Variants in APOB observed in about 807,000 individuals in gnomAD.
APOB encodes the protein apolipoprotein B-100.
Under a neutral mutation model 314.1 loss-of-function variants are expected in APOB, and 153 were observed. That is an observed-to-expected ratio of 0.49 (90% confidence interval 0.43 to 0.56). The LOEUF (loss-of-function observed/expected upper bound fraction) is 0.56, where lower values mean the gene tolerates loss of function less well. Ranked by LOEUF, APOB falls within the 20% of genes least tolerant of loss-of-function variation. APOB has a pLI of 0.00. For missense variants in APOB, 5,430 were observed against 5,350.7 expected, an observed-to-expected ratio of 1.01 and a Z score of -0.46; for synonymous variants, 2,087 against 2,036.4, an observed-to-expected ratio of 1.02 and a Z score of -0.67.
Position 21,008,878 on chromosome 2 carries a change from C to G in APOB, c.7990G>C (p.Asp2664His), listed in dbSNP as rs1426754564. ...NTFHIPSFTI[D>H]FVEMKVKIIR... ...ATCTTTACTTTCATTTCTACAAAGT[C>G]AATTGTAAAGGAAGGAATGTGGAAG... Residue 2664 changes from aspartate (D) to histidine (H), a missense_variant, in exon 26 of 29, where the codon GAC becomes CAC. Asp to His is a moderately conservative substitution (Grantham distance 81, BLOSUM62 -1). This residue lies in a region of APOB where 3,281 missense variants were observed against 3,171.0 expected (regional missense o/e 1.03). Transcript: ENST00000233242. 1.2e-6 allele frequency: 2 copies of G among 1,613,952 alleles called. No individual in the cohort carries two copies. Among genetic ancestry groups the G allele is most frequent in the Admixed American group, 3.3e-5 (2 of 60,000 alleles).
Position 21,002,846 on chromosome 2 carries a change from T to A in APOB, c.12576A>T (p.Ser4192=), listed in dbSNP as rs1422564507. The change falls in exon 29 of 29, where the codon TCA becomes TCT. Residue 4192 remains serine, a synonymous_variant. Transcript: ENST00000233242. Reference sequence around the variant, plus strand: ...TGGGGAAGTTCAGAAAATCAATGAGTGAGTCAATCAGATGCTTGACTTTCA... The same window carrying A: ...TGGGGAAGTTCAGAAAATCAATGAGAGAGTCAATCAGATGCTTGACTTTCA... The part of the protein sequence containing the change: ...FHMKVKHLID[S]LIDFLNFPRF... 1 of 1,613,098 alleles carries A rather than the reference T, an allele frequency of 6.2e-7. No individual in the cohort carries two copies. Among genetic ancestry groups the A allele is most frequent in the Admixed American group, 1.7e-5 (1 of 59,908 alleles).
In APOB at chr2:21,043,902, GGCAGCGCCA is replaced by G. The variant is rs17240441; in HGVS notation, c.35_43del (p.Leu12_Leu14del). 0.3 allele frequency: 432,490 copies of G among 1,424,858 alleles called. 69,415 individuals are homozygous for G. The highest frequency in any genetic ancestry group is 0.33 in the Non-Finnish European group (358,424 of 1,091,904). The allele number at this position is 1,424,858 out of a possible 1,614,324, so 88.3% of individuals were successfully genotyped here. On this transcript the variant is annotated inframe_deletion, in exon 1 of 29. Coordinates refer to ENST00000233242, the MANE Select transcript of APOB (RefSeq NM_000384.3). Reference sequence around the variant, plus strand: ...CGCCAGCAGCAGCAGCAGCAGCGCAGGCAGCGCCAGCAGCGCCAGCAGCGCGGGCCTCGG... The same window carrying G: ...CGCCAGCAGCAGCAGCAGCAGCGCAGGCAGCGCCAGCAGCGCGGGCCTCGG...
At position 21,010,774 on chromosome 2, in the gene APOB, C is replaced by T. The variant is rs1467176856; in HGVS notation, c.6094G>A (p.Glu2032Lys). Residue 2032 changes from glutamate (E) to lysine (K), a missense_variant, in exon 26 of 29, where the codon GAG (glutamate) becomes AAG (lysine). Around this residue, in one of 3 missense-constraint regions of APOB, gnomAD observed 3,281 missense variants for 3,171.0 expected, o/e 1.03. Coordinates refer to ENST00000233242, the MANE Select transcript of APOB (RefSeq NM_000384.3). ...SPIKVPLLLS[E>K]PINIIDALEM... is the part of the protein sequence containing the mutation. ...AAAGCATCAATGATATTGATGGGCT[C>T]ACTGAGTAAAAGTGGCACTTTAATT... The T allele has an allele frequency of 6.8e-6, 11 of 1,614,152 alleles. No individual in the cohort carries two copies. Among genetic ancestry groups the T allele is most frequent in the East Asian group, 2.2e-5 (1 of 44,888 alleles).
In APOB at chr2:21,005,365, T is replaced by G. The variant is rs776119459; in HGVS notation, c.11503A>C (p.Ile3835Leu). 5.3e-5 allele frequency: 86 copies of G among 1,613,976 alleles called. No homozygotes were observed. Among genetic ancestry groups the G allele is most frequent in the Non-Finnish European group, 6.9e-5 (81 of 1,179,970 alleles). ...ACTGCATTTAGATCCAAAGCAGCAA[T>G]GCCATCTGAAACACTTTTTGGAAGC... The part of the protein sequence containing the change: ...FTLPKSVSDG[I>L]AALDLNAVAN... Residue 3835 changes from isoleucine to leucine, a missense_variant, in exon 26 of 29, where the codon ATT (isoleucine) becomes CTT (leucine). Ile to Leu is a conservative substitution (Grantham distance 5). Around this residue, in one of 3 missense-constraint regions of APOB, gnomAD observed 3,281 missense variants for 3,171.0 expected, o/e 1.03. Coordinates refer to ENST00000233242, the MANE Select transcript of APOB (RefSeq NM_000384.3).
rs1003575186 is a variant in APOB at position 21,006,871 on chromosome 2, C to A, written c.9997G>T (p.Ala3333Ser). Reference sequence around the variant, plus strand: ...AAATCATAGGTAATATTGCCCATGGCAGGAATAAAAATATGGCTTATGGTA... The same window carrying A: ...AAATCATAGGTAATATTGCCCATGGAAGGAATAAAAATATGGCTTATGGTA... ...LCTISHIFIP[A>S]MGNITYDFSF... The change falls in exon 26 of 29, where the codon GCC (alanine) becomes TCC (serine). Residue 3333 changes from alanine (A) to serine (S), a missense_variant. Physicochemically the swap from Ala to Ser is moderately conservative, Grantham distance 99. Around this residue, in one of 3 missense-constraint regions of APOB, gnomAD observed 3,281 missense variants for 3,171.0 expected, o/e 1.03. Transcript: ENST00000233242. 1.9e-6 allele frequency: 3 copies of A among 1,614,020 alleles called. No homozygotes were observed. The highest frequency in any genetic ancestry group is 3.3e-5 in the Admixed American group (2 of 60,004).
chr2:21,036,964 G>C (rs1345553134), intron 6 of APOB, 136 bp downstream of exon 6: 2 of 1,112,526 alleles, frequency 1.8e-6, no homozygotes, highest in Admixed American at 2.0e-5. Context: ...GCCTGCTCAG[G>C]GTCCTATCTC....
rs1270660071 is a variant in APOB at position 21,012,136 on chromosome 2, A to G, written c.4732T>C (p.Tyr1578His). 4.4e-6 allele frequency: 7 copies of G among 1,605,790 alleles called. No individual in the cohort carries two copies. The highest frequency in any genetic ancestry group is 2.2e-5 in the East Asian group (1 of 44,790). Residue 1578 changes from tyrosine to histidine, a missense_variant, in exon 26 of 29, where the codon TAT becomes CAT. Physicochemically the swap from Tyr to His is moderately conservative, Grantham distance 83. Around this residue, in one of 3 missense-constraint regions of APOB, gnomAD observed 2,085 missense variants for 2,079.7 expected, o/e 1.00. Transcript: ENST00000233242. ...LTLKSDTNGK[Y>H]KNFATSNKMD... Reference sequence around the variant, plus strand: ...TTGTTAGAAGTGGCAAAGTTCTTATACTTCCCATTGGTGTCAGATTTTAAA... The same window carrying G: ...TTGTTAGAAGTGGCAAAGTTCTTATGCTTCCCATTGGTGTCAGATTTTAAA...
At chr2:21,028,921 T>C (rs1663809169) in intron 12 of APOB, among the ~76,000 whole-genome samples, 1 of 152,196 alleles carries the variant, frequency 6.6e-6, no homozygotes, top group Non-Finnish European at 1.5e-5. Flanking sequence ...TTTCCAAAGT[T>C]CTGGAGTCTT....
Position 21,037,500 on chromosome 2 carries a change from C to A in APOB, c.538-245G>T, listed in dbSNP as rs139266444. Among the ~76,000 whole-genome samples the A allele has an allele frequency of 6.2e-4, 95 of 152,234 alleles. 2 individuals are homozygous for A. Among genetic ancestry groups the A allele is most frequent in the Non-Finnish European group, 9.0e-4 (61 of 68,018 alleles). On this transcript the variant is annotated intron_variant, in intron 5 of 28. Transcript: ENST00000233242. ...CCGCAGGTTGCATCGGTGTCTTCTC[C>A]CATTATGGTGTCGTAGAGAAATTAG...
Position 21,010,894 on chromosome 2 carries a change from A to G in APOB, c.5974T>C (p.Tyr1992His). 1 of 1,614,066 alleles carries G rather than the reference A, an allele frequency of 6.2e-7. No homozygotes were observed. Among genetic ancestry groups the G allele is most frequent in the South Asian group, 1.1e-5 (1 of 91,074 alleles). The part of the protein sequence containing the change: ...KLKTQFNNNE[Y>H]SQDLDAYNTK... ...TTGTAAGCATCCAAGTCCTGGCTGT[A>G]TTCATTGTTGTTAAATTGGGTCTTG... is the stretch of plus-strand genomic sequence containing the variant. The change falls in exon 26 of 29, where the codon TAC becomes CAC. Residue 1992 changes from tyrosine (Y) to histidine (H), a missense_variant. By Grantham distance (83) the Tyr-to-His change is moderately conservative (BLOSUM62 2). This residue lies in a region of APOB where 3,281 missense variants were observed against 3,171.0 expected (regional missense o/e 1.03). Transcript: ENST00000233242.
In APOB at chr2:21,014,567, T is replaced by C. The variant is rs1663417931; in HGVS notation, c.3723A>G (p.Ala1241=). The C allele has an allele frequency of 6.2e-7, 1 of 1,614,016 alleles. No individual in the cohort carries two copies. Among genetic ancestry groups the C allele is most frequent in the Non-Finnish European group, 8.5e-7 (1 of 1,180,000 alleles). Residue 1241 remains alanine (A), a synonymous_variant, in exon 24 of 29, where the codon GCA becomes GCG. Transcript: ENST00000233242. ...IVAMSSWLQK[A]SGSLPYTQTL... ...TCTGGGTATAAGGAAGACTCCCAGA[T>C]GCCTTCTGAAGCCATGAGCTCATTG... is the stretch of plus-strand genomic sequence containing the variant.
chr2:21,025,195 G>A, intron 15 of APOB, 71 bp from the exon 16 acceptor site: 1 of 1,493,188 alleles, frequency 6.7e-7, no homozygotes, highest in Non-Finnish European at 9.3e-7. Context: ...CCCAATGTGG[G>A]ACCTGTCTGA....
intron 4 of APOB, among the ~76,000 whole-genome samples, chr2:21,040,645 C>T (rs1664107822): frequency 6.6e-6 from 1 of 152,134 alleles, no homozygotes; most frequent in Admixed American, 6.5e-5. Flanking sequence ...TTGACTAGTT[C>T]TTTAAATAAG....
intron 12 of APOB, 21 bp downstream of exon 12, chr2:21,029,618 A>T (rs1663826415): frequency 6.2e-7 from 1 of 1,613,858 alleles, no homozygotes; most frequent in East Asian, 2.2e-5. Context: ...TCACTTTCAG[A>T]CCTCTTCTTG....
chr2:21,029,819 G>T (rs751695242), intron 11 of APOB, 34 bp from the exon 12 acceptor site: 3 of 1,613,466 alleles, frequency 1.9e-6, no homozygotes, highest in Non-Finnish European at 2.5e-6. Flanking sequence ...AACCCATCAG[G>T]GTGCAGGAGA....
chr2:21,028,196 C>T, intron 13 of APOB, 131 bp from the exon 14 acceptor site: 1 of 1,125,202 alleles, frequency 8.9e-7, no homozygotes, highest in Admixed American at 1.7e-5. Flanking sequence ...GTCTTTGGGT[C>T]TAGATCTGCT....
chr2:21,041,112 G>A lies in APOB; in HGVS notation c.238-29C>T, dbSNP rs1162648667. On this transcript the variant is annotated intron_variant, in intron 3 of 28. Coordinates refer to ENST00000233242, the MANE Select transcript of APOB (RefSeq NM_000384.3). Reference sequence around the variant, plus strand: ...AGAATTCAGGGTAGCAGAGCATTGAGGTTGTCTATCAAGAATGAGAGGTGG... The same window carrying A: ...AGAATTCAGGGTAGCAGAGCATTGAAGTTGTCTATCAAGAATGAGAGGTGG... 4 of 1,605,514 alleles carry A rather than the reference G, an allele frequency of 2.5e-6. No homozygotes were observed. In the African/African-American group the frequency reaches 4.0e-5, roughly 16 times the overall value.
rs755952082 is a variant in APOB at position 21,008,017 on chromosome 2, C to T, written c.8851G>A (p.Glu2951Lys). ...THESQISFTI[E>K]GPLTSFGLSN... ...AGTCCAAAGGAAGTGAGGGGTCCTT[C>T]TATGGTGAAACTAATTTGTGATTCA... Residue 2951 changes from glutamate (E) to lysine (K), a missense_variant, in exon 26 of 29, where the codon GAA (glutamate) becomes AAA (lysine). This residue lies in a region of APOB where 3,281 missense variants were observed against 3,171.0 expected (regional missense o/e 1.03). Transcript: ENST00000233242. The T allele has an allele frequency of 6.8e-6, 11 of 1,614,090 alleles. No individual in the cohort carries two copies. Among genetic ancestry groups the T allele is most frequent in the Non-Finnish European group, 9.3e-6 (11 of 1,179,946 alleles).
intron 1 of APOB, 149 bp downstream of exon 1, chr2:21,043,715 G>A (rs1410026018): frequency 1.1e-5 from 17 of 1,502,232 alleles, no homozygotes; most frequent in Admixed American, 9.9e-5. Flanking sequence ...TCCTGAGCCT[G>A]CAGGGGCCGC....
Sources: allele counts gnomAD v4.1 joint callset (sites outside exome capture counted in the v4.1 genomes callset), GRCh38; gene constraint gnomAD v4.1.1; regional missense constraint gnomAD v4.1.1; transcripts MANE v1.5; gene names NCBI Gene and HGNC (gene_info 2026-07-23, HGNC 2026-07-21).